Variants in TENM3 observed in about 807,000 individuals in gnomAD.
The protein encoded by TENM3 is teneurin transmembrane protein 3.
Under a neutral mutation model 255.1 loss-of-function variants are expected in TENM3, and 63 were observed. The ratio of observed to expected loss-of-function variants is 0.25; its 90% CI spans 0.20 to 0.30. TENM3 has a LOEUF of 0.30. TENM3 is among the 10% of genes least tolerant of loss of function. TENM3 has a pLI of 1.00. For synonymous variants in TENM3, 1,306 were observed against 1,322.3 expected, an observed-to-expected ratio of 0.99 and a Z score of 0.27; for missense variants, 2,929 against 3,461.1, an observed-to-expected ratio of 0.85 and a Z score of 3.86.
Position 182,561,985 on chromosome 4 carries a change from CAGATAGATAGATAGATAGAT to C in TENM3, c.512-38909_512-38890del, listed in dbSNP as rs60745078. On this transcript the variant is annotated intron_variant, in intron 3 of 27. Transcript: ENST00000511685. ...GTGTATATCCAGATAGATAGATAGACAGATAGATAGATAGATAGATAGATAGATAGATAGATAGATAGATA... is the reference window on the plus strand; with the variant it reads ...GTGTATATCCAGATAGATAGATAGACAGATAGATAGATAGATAGATAGATA... Among the ~76,000 whole-genome samples the C allele has an allele frequency of 8.3e-5, 12 of 145,310 alleles. No homozygotes were observed. The East Asian group carries it at 8.6e-4, about 10-fold the overall frequency.
chr4:181,801,936 G>C, the TENM3 span, among the ~76,000 whole-genome samples: 1 of 151,792 alleles, frequency 6.6e-6, no homozygotes, highest in Admixed American at 6.6e-5. Context: ...TTTTTAACCA[G>C]GTGACAGAAA....
At chr4:181,744,335 T>C in the TENM3 span, among the ~76,000 whole-genome samples, 131 of 152,322 alleles carry the variant, frequency 8.6e-4, no homozygotes, top group African/African-American at 3.0e-3. Flanking sequence ...TTTGGGTATA[T>C]ATATACCCAG....
At chr4:182,179,627 A>T (rs569381772) in intron 1 of TENM3, among the ~76,000 whole-genome samples, 1 of 152,310 alleles carries the variant, frequency 6.6e-6, no homozygotes, top group Admixed American at 6.5e-5. Context: ...AATGTACTGA[A>T]AACCTCAAAG....
At chr4:182,316,685 C>T (rs1307785484) in intron 1 of TENM3, among the ~76,000 whole-genome samples, 1 of 148,516 alleles carries the variant, frequency 6.7e-6, no homozygotes, top group African/African-American at 2.4e-5. Context: ...CTTTCTGTGC[C>T]CTCCAGTGGT....
chr4:182,198,624 A>G (rs984856010), intron 1 of TENM3, among the ~76,000 whole-genome samples: 1 of 152,234 alleles, frequency 6.6e-6, no homozygotes, highest in African/African-American at 2.4e-5. Context: ...AATGAAGCTG[A>G]CAGGAAAAGT....
intron 3 of TENM3, among the ~76,000 whole-genome samples, chr4:182,537,834 A>G (rs1172351846): frequency 1.3e-5 from 2 of 152,134 alleles, no homozygotes; most frequent in East Asian, 3.9e-4. Context: ...GGTACCCCAT[A>G]CAGTGTTCTG....
the TENM3 span, among the ~76,000 whole-genome samples, chr4:181,729,367 G>C: frequency 6.6e-6 from 1 of 152,158 alleles, no homozygotes; most frequent in African/African-American, 2.4e-5. Flanking sequence ...GGAAGCAAAT[G>C]CCATGATGGC....
the TENM3 span, among the ~76,000 whole-genome samples, chr4:181,820,916 T>C: frequency 1.3e-5 from 2 of 152,214 alleles, no homozygotes; most frequent in African/African-American, 4.8e-5. Context: ...CAATCTAAAT[T>C]TTAAAGGTGC....
intron 1 of TENM3, among the ~76,000 whole-genome samples, chr4:182,230,486 A>C (rs72696063): frequency 8.0e-4 from 121 of 152,178 alleles, no homozygotes; most frequent in Non-Finnish European, 1.4e-3. Flanking sequence ...TGGAATACGT[A>C]CTGTGTTGTA....
intron 3 of TENM3, among the ~76,000 whole-genome samples, chr4:182,559,844 A>C (rs564901440): frequency 1.4e-4 from 22 of 152,142 alleles, no homozygotes; most frequent in African/African-American, 4.8e-4. Context: ...AAGATCTAGT[A>C]TTTGATTGCA....
chr4:182,344,146 C>T (rs1764652424), intron 2 of TENM3, among the ~76,000 whole-genome samples: 1 of 152,050 alleles, frequency 6.6e-6, no homozygotes, highest in South Asian at 2.1e-4. Context: ...ATCTCCTAAA[C>T]CAAGTCAGGA....
intron 1 of TENM3, among the ~76,000 whole-genome samples, chr4:182,218,180 C>T (rs375896452): frequency 3.1e-4 from 47 of 152,242 alleles, no homozygotes; most frequent in African/African-American, 1.0e-3. Context: ...TACCTGACCC[C>T]GGAGTCCATG....
At chr4:181,764,755 G>A in the TENM3 span, among the ~76,000 whole-genome samples, 1 of 152,160 alleles carries the variant, frequency 6.6e-6, no homozygotes, top group Admixed American at 6.5e-5. Context: ...CAGCAGTACA[G>A]TCTCGGCTCA....
At chr4:181,473,854 ATATT>A in the TENM3 span, among the ~76,000 whole-genome samples, 1 of 140,358 alleles carries the variant, frequency 7.1e-6, no homozygotes, top group Non-Finnish European at 1.5e-5. Flanking sequence ...TATACAGTAT[ATATT>A]CTGTGTATAA....
chr4:182,378,460 G>A (rs530289365), intron 3 of TENM3, among the ~76,000 whole-genome samples: 2 of 152,292 alleles, frequency 1.3e-5, no homozygotes, highest in East Asian at 1.9e-4. Flanking sequence ...TGGACCAGGT[G>A]GCCAGGGAAG....
the TENM3 span, among the ~76,000 whole-genome samples, chr4:181,495,663 A>C: frequency 6.6e-6 from 1 of 152,170 alleles, no homozygotes; most frequent in Non-Finnish European, 1.5e-5. Flanking sequence ...GTTGAATAAA[A>C]ATAAAATTAT....
the TENM3 span, among the ~76,000 whole-genome samples, chr4:181,825,880 T>G: frequency 6.6e-6 from 1 of 152,196 alleles, no homozygotes; most frequent in African/African-American, 2.4e-5. Flanking sequence ...TTAAAGTCCT[T>G]CTGTCTTCTT....
At chr4:181,564,870 CT>C in the TENM3 span, among the ~76,000 whole-genome samples, 6 of 152,088 alleles carry the variant, frequency 3.9e-5, no homozygotes. Flanking sequence ...TGAATCTCCA[CT>C]TTTTTTCTCT....
At chr4:182,467,483 A>G (rs1334115511) in intron 3 of TENM3, among the ~76,000 whole-genome samples, 1 of 152,230 alleles carries the variant, frequency 6.6e-6, no homozygotes. Flanking sequence ...ATGAAGGGAT[A>G]TCTAGGCCAG....
Sources: gnomAD v4.1 joint callset for allele counts (sites outside exome capture counted in the v4.1 genomes callset) on GRCh38, gnomAD v4.1.1 for gene constraint, MANE v1.5 for transcripts, NCBI Gene and HGNC (gene_info 2026-07-23, HGNC 2026-07-21) for gene names.